Variants in HSPA4L observed in about 807,000 individuals in gnomAD.
HSPA4L encodes the protein heat shock 70 kDa protein 4L.
Under a neutral mutation model 100.3 loss-of-function variants are expected in HSPA4L, and 48 were observed. The ratio of observed to expected loss-of-function variants is 0.48; its 90% confidence interval spans 0.38 to 0.61. HSPA4L has a LOEUF of 0.61. Ranked by LOEUF, HSPA4L falls within the 20% of genes least tolerant of loss-of-function variation. The pLI, the probability that HSPA4L is intolerant of heterozygous loss-of-function variation, is 0.00. For missense variants in HSPA4L, 886 were observed against 988.6 expected (o/e 0.90, Z 1.39); for synonymous variants, 319 against 328.2 (o/e 0.97, Z 0.30).
rs778989624 is a variant in HSPA4L at position 127,798,435 on chromosome 4, A to G, written c.307-152A>G. 8.8e-5 allele frequency: 60 copies of G among 685,590 alleles called. 1 individual carries two copies. The highest frequency in any genetic ancestry group is 1.3e-4 in the Non-Finnish European group (54 of 418,232). 42.5% of individuals were successfully genotyped at this position (685,590 alleles called of 1,614,324 possible). A position where few individuals can be genotyped will look rare whatever the true frequency, so the allele number is the denominator to read the frequency against. On this transcript the variant is annotated intron_variant, in intron 3 of 18. Transcript: ENST00000296464. ...AGTCACTGTTTTTAATGGGATCATGATTCTAAAATGACAATCTTTCTGGAA... is the reference window on the plus strand; with the variant it reads ...AGTCACTGTTTTTAATGGGATCATGGTTCTAAAATGACAATCTTTCTGGAA...
intron 1 of HSPA4L, among the ~76,000 whole-genome samples, chr4:127,786,939 G>A (rs928047308): frequency 1.3e-5 from 2 of 152,178 alleles, no homozygotes; most frequent in Non-Finnish European, 2.9e-5. Flanking sequence ...GAATTATGGA[G>A]GAGGTGCTTT....
intron 1 of HSPA4L, among the ~76,000 whole-genome samples, chr4:127,787,958 G>T (rs1387710474): frequency 6.6e-6 from 1 of 152,100 alleles, no homozygotes; most frequent in Non-Finnish European, 1.5e-5. Context: ...ATAGGTTGCA[G>T]GTAGTGGTAG....
At chr4:127,824,410 T>A (rs930344151) in intron 16 of HSPA4L, among the ~76,000 whole-genome samples, 1 of 152,260 alleles carries the variant, frequency 6.6e-6, no homozygotes, top group Non-Finnish European at 1.5e-5. Context: ...GAAAAATTAC[T>A]AAATCAGAAA....
rs1178394947 is a variant in HSPA4L at position 127,804,009 on chromosome 4, AG to A, written c.910del. The A allele has an allele frequency of 3.7e-6, 6 of 1,613,772 alleles. No homozygotes were observed. The highest frequency in any genetic ancestry group is 5.1e-6 in the Non-Finnish European group (6 of 1,179,866). ...AATGAATTTTATTCTATTTTCTCAC[AG>A]GGCTCAATTTGAACAACTGTGTGCT... On this transcript the variant is annotated splice_acceptor_variant, in intron 7 of 18. Coordinates refer to ENST00000296464, the MANE Select transcript of HSPA4L (RefSeq NM_014278.4). LOFTEE classifies it high-confidence loss of function.
At position 127,840,579 on chromosome 4, in the gene HSPA4L, G is replaced by C. The variant is rs1266956680; in HGVS notation, c.*7705G>C. 1 of 152,188 alleles carries C rather than the reference G, an allele frequency of 6.6e-6. No individual in the cohort carries two copies. Among genetic ancestry groups the C allele is most frequent in the East Asian group, 1.9e-4 (1 of 5,196 alleles). The allele number at this position is 152,188 out of a possible 1,614,324, so 9.4% of individuals were successfully genotyped here. ...TCCATAAGAATGTTTACACATGGCA[G>C]TATCAAAGCATATAAAATATTTTCT... On this transcript the variant is annotated 3_prime_UTR_variant, in exon 19 of 19. Transcript: ENST00000296464.
At position 127,835,114 on chromosome 4, in the gene HSPA4L, C is replaced by A. The variant is rs1405580388; in HGVS notation, c.*2240C>A. On this transcript the variant is annotated 3_prime_UTR_variant, in exon 19 of 19. Transcript: ENST00000296464. ...CAGTCTAATTCAGTCCAATTTTAAT[C>A]TGCATTAAAATATGCAATGCTAGAC... The A allele has an allele frequency of 6.6e-6, 1 of 152,052 alleles. No homozygotes were observed. The highest frequency in any genetic ancestry group is 2.4e-5 in the African/African-American group (1 of 41,410). 9.4% of individuals were successfully genotyped at this position (152,052 alleles called of 1,614,324 possible). A position where few individuals can be genotyped will look rare whatever the true frequency, so the allele number is the denominator to read the frequency against.
At chr4:127,800,052 C>T (rs1270594982) in intron 4 of HSPA4L, among the ~76,000 whole-genome samples, 2 of 152,136 alleles carry the variant, frequency 1.3e-5, no homozygotes, top group East Asian at 3.8e-4. Context: ...CACTTAATAG[C>T]TTTTTAGAAA....
Position 127,795,768 on chromosome 4 carries a change from A to G in HSPA4L, c.166A>G (p.Ile56Val), listed in dbSNP as rs2148780139. Residue 56 changes from isoleucine (I) to valine (V), a missense_variant and splice_region_variant, in exon 3 of 19, where the codon ATA (isoleucine) becomes GTA (valine). Transcript: ENST00000296464. ...AAATACAAGTGTTTACTGCCAACAG[A>G]TAGTCACGAACGTAAGAAATACAAT... ...RAIGNAAKSQ[I>V]VTNVRNTIHG... 6.2e-7 allele frequency: 1 copy of G among 1,613,336 alleles called. No homozygotes were observed. Among genetic ancestry groups the G allele is most frequent in the Non-Finnish European group, 8.5e-7 (1 of 1,179,458 alleles).
At chr4:127,793,985 C>T in intron 1 of HSPA4L, 92 bp from the exon 2 acceptor site, 2 of 801,882 alleles carry the variant, frequency 2.5e-6, no homozygotes, top group Non-Finnish European at 3.9e-6. Context: ...TATATTTCTC[C>T]TTTTAAATTC....
At chr4:127,804,125 A>C in intron 8 of HSPA4L, 38 bp downstream of exon 8, 2 of 1,510,764 alleles carry the variant, frequency 1.3e-6, no homozygotes, top group Non-Finnish European at 1.8e-6. Context: ...ACTGTACCAT[A>C]ATGTTGCCTA....
chr4:127,804,470 A>G (rs1473605314), intron 8 of HSPA4L, among the ~76,000 whole-genome samples: 2 of 152,018 alleles, frequency 1.3e-5, no homozygotes, highest in African/African-American at 2.4e-5. Flanking sequence ...GCCAGGCATG[A>G]TGGTGCGCAC....
intron 16 of HSPA4L, 135 bp downstream of exon 16, chr4:127,823,759 G>T: frequency 1.7e-6 from 1 of 591,076 alleles, no homozygotes; most frequent in Non-Finnish European, 3.0e-6. Flanking sequence ...TGTGGTGTAC[G>T]ACATGTTTTG....
At chr4:127,798,489 T>C in intron 3 of HSPA4L, 98 bp from the exon 4 acceptor site, 2 of 1,186,302 alleles carry the variant, frequency 1.7e-6, no homozygotes, top group East Asian at 2.4e-5. Flanking sequence ...GGGTGTCTTT[T>C]TCCCATTGTA....
chr4:127,800,118 G>A (rs375367865), intron 4 of HSPA4L, among the ~76,000 whole-genome samples: 78 of 152,226 alleles, frequency 5.1e-4, no homozygotes, highest in Middle Eastern at 3.4e-3. Context: ...GTATACATAC[G>A]TACATCTTTA....
chr4:127,833,679 G>T lies in HSPA4L; in HGVS notation c.*805G>T, dbSNP rs1230313864. 2 of 152,162 alleles carry T rather than the reference G, an allele frequency of 1.3e-5. No homozygotes were observed. Among genetic ancestry groups the T allele is most frequent in the Non-Finnish European group, 1.5e-5 (1 of 68,006 alleles). 9.4% of individuals were successfully genotyped at this position (152,162 alleles called of 1,614,324 possible). A position where few individuals can be genotyped will look rare whatever the true frequency, so the allele number is the denominator to read the frequency against. On this transcript the variant is annotated 3_prime_UTR_variant, in exon 19 of 19. Coordinates refer to ENST00000296464, the MANE Select transcript of HSPA4L (RefSeq NM_014278.4). ...AAATGCTGTTTATCTACTCAGACAT[G>T]CATCTGTGATGTTCATAGCCTTGTT...
At chr4:127,801,098 A>T in intron 4 of HSPA4L, 40 bp from the exon 5 acceptor site, 1 of 1,420,410 alleles carries the variant, frequency 7.0e-7, no homozygotes, top group Non-Finnish European at 9.8e-7. Flanking sequence ...CAAAATGTTT[A>T]CATAAAACAT....
chr4:127,808,091 C>T lies in HSPA4L; in HGVS notation c.1340C>T (p.Thr447Ile), dbSNP rs767201445. Reference sequence around the variant, plus strand: ...CCATTTGAACTAGAAGCATTTTATACTAATTTACATGAAGTGCCTTATCCT... The same window carrying T: ...CCATTTGAACTAGAAGCATTTTATATTAATTTACATGAAGTGCCTTATCCT... ...KEPFELEAFYTNLHEVPYPDA... is the reference protein window; with the variant it reads ...KEPFELEAFYINLHEVPYPDA... The change falls in exon 11 of 19, where the codon ACT (threonine) becomes ATT (isoleucine). Residue 447 changes from threonine to isoleucine, a missense_variant. By Grantham distance (89) the Thr-to-Ile change is moderately conservative. Transcript: ENST00000296464. The T allele has an allele frequency of 1.9e-6, 3 of 1,612,112 alleles. No individual in the cohort carries two copies. The highest frequency in any genetic ancestry group is 2.5e-6 in the Non-Finnish European group (3 of 1,179,012).
chr4:127,830,595 G>A (rs1734053902), intron 17 of HSPA4L, 43 bp from the exon 18 acceptor site: 2 of 1,486,422 alleles, frequency 1.3e-6, no homozygotes, highest in Non-Finnish European at 1.8e-6. Context: ...GGTGCTAGCT[G>A]AAAAATCATT....
intron 1 of HSPA4L, among the ~76,000 whole-genome samples, chr4:127,785,831 A>G (rs750834635): frequency 1.3e-5 from 2 of 152,212 alleles, no homozygotes; most frequent in Non-Finnish European, 2.9e-5. Flanking sequence ...CCATAGCCTA[A>G]TAATTCAGGT....
Sources: gnomAD v4.1 joint callset for allele counts (sites outside exome capture counted in the v4.1 genomes callset) on GRCh38, gnomAD v4.1.1 for gene constraint, MANE v1.5 for transcripts, NCBI Gene and HGNC (gene_info 2026-07-23, HGNC 2026-07-21) for gene names.